Variants in ZBTB43 observed in about 807,000 individuals in gnomAD.
ZBTB43 encodes the protein zinc finger and BTB domain containing 43.
A neutral mutation model predicts 31.1 loss-of-function variants in ZBTB43; 6 were observed. The ratio of observed to expected loss-of-function variants is 0.19; its 90% confidence interval spans 0.11 to 0.38. The LOEUF (loss-of-function observed/expected upper bound fraction) is 0.38. Ranked by LOEUF, ZBTB43 falls within the 10% of genes least tolerant of loss-of-function variation. The pLI is 1.00. For missense variants in ZBTB43, 379 were observed against 602.1 expected (o/e 0.63, Z 3.88); for synonymous variants, 212 against 221.7 (o/e 0.96, Z 0.39).
intron 2 of ZBTB43, among the ~76,000 whole-genome samples, chr9:126,812,225 G>A (rs995511492): frequency 1.3e-5 from 2 of 151,838 alleles, no homozygotes; most frequent in Non-Finnish European, 2.9e-5. Flanking sequence ...AGTGCCAGCC[G>A]TGTTGTCACA....
chr9:126,810,101 C>T (rs1278290864), intron 2 of ZBTB43, among the ~76,000 whole-genome samples: 2 of 152,158 alleles, frequency 1.3e-5, no homozygotes, highest in Admixed American at 1.3e-4. Context: ...TCCCAAAGTG[C>T]TGGGATTACA....
At chr9:126,825,747 G>C (rs148656112) in intron 2 of ZBTB43, among the ~76,000 whole-genome samples, 1 of 151,952 alleles carries the variant, frequency 6.6e-6, no homozygotes, top group African/African-American at 2.4e-5. Flanking sequence ...CAGCTTCAAT[G>C]TGTGAACTGA....
intron 2 of ZBTB43, among the ~76,000 whole-genome samples, chr9:126,821,522 T>A (rs2032508429): frequency 6.6e-6 from 1 of 152,236 alleles, no homozygotes; most frequent in Non-Finnish European, 1.5e-5. Flanking sequence ...TGGATGACTT[T>A]GAGGGGCTCA....
rs2032829123 is a variant in ZBTB43, at chr9:126,834,076, A to T, written c.*163A>T. ...AGCTCTAAGTAGGCCAATTAAAAAA[A>T]TCTAATTCCTCAAATTTGTGTGTTC... On this transcript the variant is annotated 3_prime_UTR_variant, in exon 3 of 3. Transcript: ENST00000373464. 1.2e-6 allele frequency: 1 copy of T among 805,022 alleles called. No homozygotes were observed. The highest frequency in any genetic ancestry group is 1.8e-6 in the Non-Finnish European group (1 of 546,728). 49.9% of individuals were successfully genotyped at this position (805,022 alleles called of 1,614,324 possible).
chr9:126,809,438 T>C (rs1178393560), intron 2 of ZBTB43, among the ~76,000 whole-genome samples: 1 of 152,212 alleles, frequency 6.6e-6, no homozygotes, highest in African/African-American at 2.4e-5. Context: ...TTAAATATGC[T>C]TTCTATAGTA....
Position 126,806,259 on chromosome 9 carries a change from G to A in ZBTB43, c.-147+1127G>A, listed in dbSNP as rs548758585. On this transcript the variant is annotated intron_variant, in intron 1 of 2. Coordinates refer to ENST00000373464, the MANE Select transcript of ZBTB43 (RefSeq NM_014007.4). Reference sequence around the variant, plus strand: ...CTTTGGGGCTACTGGAACAGTAGCAGGGTTTCTGGGATAACTGCATGCTTA... The same window carrying A: ...CTTTGGGGCTACTGGAACAGTAGCAAGGTTTCTGGGATAACTGCATGCTTA... Among the ~76,000 whole-genome samples the A allele has an allele frequency of 3.3e-5, 5 of 152,324 alleles. No homozygotes were observed. The East Asian group carries it at 9.7e-4, about 29-fold the overall frequency.
At chr9:126,808,303 A>G (rs953494664) in intron 1 of ZBTB43, among the ~76,000 whole-genome samples, 5 of 151,994 alleles carry the variant, frequency 3.3e-5, no homozygotes, top group Non-Finnish European at 4.4e-5. Context: ...TTAAAATTGA[A>G]GGGAATCATG....
At chr9:126,810,811 C>G (rs998316781) in intron 2 of ZBTB43, among the ~76,000 whole-genome samples, 3 of 151,750 alleles carry the variant, frequency 2.0e-5, no homozygotes, top group African/African-American at 7.3e-5. Flanking sequence ...CTTGGGCCAT[C>G]TTAAGTCTAA....
intron 2 of ZBTB43, among the ~76,000 whole-genome samples, chr9:126,817,342 C>T (rs893638384): frequency 6.6e-6 from 1 of 151,826 alleles, no homozygotes; most frequent in Non-Finnish European, 1.5e-5. Context: ...AACTCCTGGG[C>T]TCAAGTGATC....
intron 2 of ZBTB43, 129 bp from the exon 3 acceptor site, chr9:126,832,358 C>T: frequency 1.2e-6 from 1 of 840,740 alleles, no homozygotes; most frequent in Non-Finnish European, 1.8e-6. Flanking sequence ...GGATTGAATC[C>T]CTTACCCAGT....
intron 2 of ZBTB43, among the ~76,000 whole-genome samples, chr9:126,819,279 A>ATTTTTTT (rs71377975): frequency 1.0e-5 from 1 of 100,192 alleles, no homozygotes; most frequent in African/African-American, 3.8e-5. Context: ...CGGATATTGC[A>ATTTTTTT]TTTTTTTTTT....
At chr9:126,828,719 G>A (rs1263605219) in intron 2 of ZBTB43, among the ~76,000 whole-genome samples, 1 of 148,996 alleles carries the variant, frequency 6.7e-6, no homozygotes, top group African/African-American at 2.5e-5. Flanking sequence ...CACAAACCCT[G>A]GAGCAAAGAG....
intron 2 of ZBTB43, 39 bp from the exon 3 acceptor site, chr9:126,832,448 T>C: frequency 6.5e-7 from 1 of 1,531,194 alleles, no homozygotes; most frequent in South Asian, 1.3e-5. Context: ...AAGTTTATCT[T>C]TGGGCTGGAA....
intron 2 of ZBTB43, among the ~76,000 whole-genome samples, chr9:126,826,319 A>G (rs1482742580): frequency 6.7e-6 from 1 of 148,282 alleles, no homozygotes; most frequent in Non-Finnish European, 1.5e-5. Flanking sequence ...GCCCATTTTT[A>G]TATTTTTTGT....
At position 126,837,103 on chromosome 9, in the gene ZBTB43, CAAAA is replaced by C. The variant is rs3837241; in HGVS notation, c.*3203_*3206del. On this transcript the variant is annotated 3_prime_UTR_variant, in exon 3 of 3. Coordinates refer to ENST00000373464, the MANE Select transcript of ZBTB43 (RefSeq NM_014007.4). ...TGCGCGACAGATCGAGACTCTGTCT[CAAAA>C]AAAAAAAAAAAATTCATACTTATGC... 2 of 129,992 alleles carry C rather than the reference CAAAA, an allele frequency of 1.5e-5. No individual in the cohort carries two copies. Among genetic ancestry groups the C allele is most frequent in the Non-Finnish European group, 1.8e-5 (1 of 55,628 alleles). The allele number at this position is 129,992 out of a possible 1,614,324, so 8.1% of individuals were successfully genotyped here. A position where few individuals can be genotyped will look rare whatever the true frequency, so the allele number is the denominator to read the frequency against.
chr9:126,812,060 C>T (rs1306593734), intron 2 of ZBTB43, among the ~76,000 whole-genome samples: 3 of 152,042 alleles, frequency 2.0e-5, no homozygotes, highest in Admixed American at 2.0e-4. Flanking sequence ...CTCAAAGAAA[C>T]CCAGTTAGCA....
intron 2 of ZBTB43, among the ~76,000 whole-genome samples, chr9:126,817,606 G>T (rs1036067239): frequency 2.6e-5 from 4 of 151,664 alleles, no homozygotes; most frequent in Non-Finnish European, 5.9e-5. Flanking sequence ...CTCCCGAGCA[G>T]CTGGGACTAC....
At chr9:126,805,340 G>C (rs2032099628) in intron 1 of ZBTB43, among the ~76,000 whole-genome samples, 1 of 152,232 alleles carries the variant, frequency 6.6e-6, no homozygotes, top group Non-Finnish European at 1.5e-5. Flanking sequence ...ACGGCGCGCA[G>C]ACCGCGATAC....
intron 2 of ZBTB43, among the ~76,000 whole-genome samples, chr9:126,820,737 G>A (rs1404465636): frequency 6.6e-6 from 1 of 152,054 alleles, no homozygotes; most frequent in African/African-American, 2.4e-5. Flanking sequence ...GGAGGCCAAG[G>A]CAGGCAGATT....
Sources: allele counts gnomAD v4.1 joint callset (sites outside exome capture counted in the v4.1 genomes callset), GRCh38; gene constraint gnomAD v4.1.1; transcripts MANE v1.5; gene names NCBI Gene and HGNC (gene_info 2026-07-23, HGNC 2026-07-21).